Variants in FCHSD2 observed in about 807,000 individuals in gnomAD.
FCHSD2 encodes F-BAR and double SH3 domains protein 2.
FCHSD2 carries 38 observed loss-of-function variants against 108.1 expected under a neutral mutation model. That is an observed-to-expected ratio of 0.35 (90% confidence interval 0.27 to 0.46). The LOEUF (loss-of-function observed/expected upper bound fraction) is 0.46, where lower values mean the gene tolerates loss of function less well. FCHSD2 is among the 20% of genes least tolerant of loss of function. The probability of loss-of-function intolerance (pLI) is 1.00; values close to 1 mark genes in which losing one functional copy is unlikely to be tolerated. For missense variants in FCHSD2, 751 were observed against 897.8 expected (o/e 0.84, Z 2.09); for synonymous variants, 279 against 314.7 (o/e 0.89, Z 1.20).
At chr11:73,128,354 C>T (rs1860908453) in intron 2 of FCHSD2, among the ~76,000 whole-genome samples, 1 of 152,062 alleles carries the variant, frequency 6.6e-6, no homozygotes, top group East Asian at 1.9e-4. Context: ...TCAGGCAAAA[C>T]AATAATGTGG....
intron 14 of FCHSD2, among the ~76,000 whole-genome samples, chr11:72,843,841 G>A (rs1274878715): frequency 2.6e-5 from 4 of 151,686 alleles, no homozygotes; most frequent in African/African-American, 7.3e-5. Context: ...AAATAAATAA[G>A]TAAATAAATA....
chr11:72,843,435 G>A lies in FCHSD2; in HGVS notation c.1527+14C>T, dbSNP rs773371766. The A allele has an allele frequency of 6.2e-7, 1 of 1,609,244 alleles. No individual in the cohort carries two copies. The highest frequency in any genetic ancestry group is 1.1e-5 in the South Asian group (1 of 90,970). ...AATGTCACAAGAAAGGGCGATATGA[G>A]CAAAGGAATATACCTTTACCCAGTC... On this transcript the variant is annotated intron_variant, in intron 15 of 19. Coordinates refer to ENST00000409418, the MANE Select transcript of FCHSD2 (RefSeq NM_014824.3).
At chr11:73,056,071 AAACTC>A (rs1859017749) in intron 3 of FCHSD2, among the ~76,000 whole-genome samples, 1 of 152,224 alleles carries the variant, frequency 6.6e-6, no homozygotes, top group Non-Finnish European at 1.5e-5. Context: ...AAAAAAAACT[AAACTC>A]ATTCTCTCAG....
chr11:73,014,527 G>A (rs986297626), intron 4 of FCHSD2, among the ~76,000 whole-genome samples: 6 of 152,118 alleles, frequency 3.9e-5, no homozygotes, highest in Admixed American at 1.3e-4. Flanking sequence ...GTAGGCCACT[G>A]TGAAGAATTA....
chr11:73,080,431 G>A (rs1286700516), intron 3 of FCHSD2, among the ~76,000 whole-genome samples: 1 of 151,172 alleles, frequency 6.6e-6, no homozygotes, highest in Non-Finnish European at 1.5e-5. Flanking sequence ...CAGATACACA[G>A]CATAAATATC....
chr11:73,059,912 A>G (rs544236164), intron 3 of FCHSD2, among the ~76,000 whole-genome samples: 16 of 152,348 alleles, frequency 1.1e-4, no homozygotes, highest in South Asian at 6.2e-4. Context: ...AACTTTGCTT[A>G]TATCTGCAGA....
intron 3 of FCHSD2, among the ~76,000 whole-genome samples, chr11:73,083,328 A>T (rs897115623): frequency 1.3e-5 from 2 of 152,166 alleles, no homozygotes; most frequent in Non-Finnish European, 2.9e-5. Flanking sequence ...AGGCGGACGG[A>T]TCATAAGGTC....
At chr11:73,000,655 T>G (rs1022636740) in intron 5 of FCHSD2, among the ~76,000 whole-genome samples, 3 of 152,196 alleles carry the variant, frequency 2.0e-5, no homozygotes, top group Non-Finnish European at 4.4e-5. Flanking sequence ...CTAGTGGGAT[T>G]AATAACCTTG....
chr11:73,028,394 C>A (rs1858278664), intron 3 of FCHSD2, among the ~76,000 whole-genome samples: 1 of 152,190 alleles, frequency 6.6e-6, no homozygotes, highest in African/African-American at 2.4e-5. Flanking sequence ...GGGCCTGTAG[C>A]CCCATTGTTT....
chr11:73,016,013 C>T lies in FCHSD2; in HGVS notation c.166-128G>A, dbSNP rs576912979. 18 of 605,548 alleles carry T rather than the reference C, an allele frequency of 3.0e-5. No individual in the cohort carries two copies. In the African/African-American group the frequency reaches 3.4e-4, roughly 12 times the overall value. 37.5% of individuals were successfully genotyped at this position (605,548 alleles called of 1,614,324 possible). A position where few individuals can be genotyped will look rare whatever the true frequency, so the allele number is the denominator to read the frequency against. ...AATTTAATTCAGAAGTGAAAAAAAA[C>T]AATGATAGGCTGCACGTGGTGGCTT... is the stretch of plus-strand genomic sequence containing the variant. On this transcript the variant is annotated intron_variant, in intron 3 of 19. Coordinates refer to ENST00000409418, the MANE Select transcript of FCHSD2 (RefSeq NM_014824.3).
chr11:72,980,921 T>C (rs911062600), intron 8 of FCHSD2, among the ~76,000 whole-genome samples: 31 of 152,138 alleles, frequency 2.0e-4, no homozygotes, highest in Non-Finnish European at 1.9e-4. Context: ...TCAAATACCC[T>C]GCTTTTAAGC....
chr11:72,970,914 G>A (rs1856995384), intron 8 of FCHSD2, among the ~76,000 whole-genome samples: 2 of 152,262 alleles, frequency 1.3e-5, no homozygotes, highest in Admixed American at 1.3e-4. Context: ...GAAGCCAAGT[G>A]CAGAAGCTCC....
chr11:72,847,137 T>C (rs995704634), intron 14 of FCHSD2, among the ~76,000 whole-genome samples: 2 of 152,176 alleles, frequency 1.3e-5, no homozygotes, highest in African/African-American at 4.8e-5. Flanking sequence ...GCTAGGACGA[T>C]AGGCATGTGC....
At chr11:72,910,542 T>C (rs1422562059) in intron 9 of FCHSD2, among the ~76,000 whole-genome samples, 1 of 152,168 alleles carries the variant, frequency 6.6e-6, no homozygotes, top group Non-Finnish European at 1.5e-5. Context: ...CCATGCTCTT[T>C]GAAACATGTG....
At chr11:72,872,482 T>C (rs1343936872) in intron 12 of FCHSD2, among the ~76,000 whole-genome samples, 1 of 152,142 alleles carries the variant, frequency 6.6e-6, no homozygotes, top group Non-Finnish European at 1.5e-5. Flanking sequence ...ACAATCACTA[T>C]TCTACTTTCT....
intron 8 of FCHSD2, among the ~76,000 whole-genome samples, chr11:72,955,335 G>T (rs1206118624): frequency 6.6e-6 from 1 of 152,158 alleles, no homozygotes; most frequent in African/African-American, 2.4e-5. Flanking sequence ...CAGCCAGATA[G>T]AAGAAATGCA....
At chr11:72,921,776 A>G in intron 9 of FCHSD2, 52 bp downstream of exon 9, 1 of 1,494,974 alleles carries the variant, frequency 6.7e-7, no homozygotes, top group Non-Finnish European at 9.3e-7. Context: ...ATGCAGAAAT[A>G]CTTTAGCTTC....
intron 8 of FCHSD2, among the ~76,000 whole-genome samples, chr11:72,946,385 AG>A (rs1856519914): frequency 1.2e-5 from 1 of 85,070 alleles, no homozygotes. Context: ...ATCACACACC[AG>A]GGCCTGTTGT....
In FCHSD2 at chr11:72,877,185, C is replaced by T. The variant is rs532523149; in HGVS notation, c.1147-9159G>A. On this transcript the variant is annotated intron_variant, in intron 12 of 19. Coordinates refer to ENST00000409418, the MANE Select transcript of FCHSD2 (RefSeq NM_014824.3). ...TATTTTTTGTAGAGATGGGGTTTTG[C>T]CACTTCAGTTTTTTTAATGATTAGT... is the stretch of plus-strand genomic sequence containing the variant. 5.3e-5 allele frequency among the ~76,000 whole-genome samples: 8 copies of T among 152,054 alleles called. No homozygotes were observed. The South Asian group carries it at 1.7e-3, about 32-fold the overall frequency.
Sources: allele counts gnomAD v4.1 joint callset (sites outside exome capture counted in the v4.1 genomes callset), GRCh38; gene constraint gnomAD v4.1.1; transcripts MANE v1.5; gene names NCBI Gene and HGNC (gene_info 2026-07-23, HGNC 2026-07-21).